The following TBC1D5 variants were observed in gnomAD, a reference collection of about 807,000 sequenced individuals.
The protein encoded by TBC1D5 is TBC1 domain family member 5, also known as TBC1 domain family, member 5.
TBC1D5 carries 75 observed loss-of-function variants against 100.3 expected under a neutral mutation model. The ratio of observed to expected loss-of-function variants is 0.75; its 90% CI spans 0.62 to 0.91. The LOEUF (loss-of-function observed/expected upper bound fraction) is 0.91. Ranked by LOEUF, TBC1D5 falls within the 40% of genes least tolerant of loss-of-function variation. The pLI, the probability that TBC1D5 is intolerant of heterozygous loss-of-function variation, is 0.00. For synonymous variants in TBC1D5, 323 were observed against 325.6 expected (o/e 0.99, Z 0.09); for missense variants, 910 against 942.4 (o/e 0.97, Z 0.45).
intron 18 of TBC1D5, among the ~76,000 whole-genome samples, chr3:17,195,315 T>G (rs2125698622): frequency 6.6e-6 from 1 of 152,216 alleles, no homozygotes; most frequent in East Asian, 1.9e-4. Context: ...TAAACACAGA[T>G]GTTACTCTAC....
At chr3:17,693,090 T>A (rs1446224491) in intron 1 of TBC1D5, among the ~76,000 whole-genome samples, 1 of 152,196 alleles carries the variant, frequency 6.6e-6, no homozygotes, top group African/African-American at 2.4e-5. Context: ...ACCTTGGACT[T>A]CTCAGCCTTA....
At chr3:17,230,087 C>T (rs546679277) in intron 17 of TBC1D5, among the ~76,000 whole-genome samples, 2 of 152,142 alleles carry the variant, frequency 1.3e-5, no homozygotes, top group Admixed American at 6.5e-5. Context: ...CACATCTCAA[C>T]AATAACCAGA....
At chr3:17,188,701 C>T (rs1265186856) in intron 18 of TBC1D5, among the ~76,000 whole-genome samples, 1 of 152,164 alleles carries the variant, frequency 6.6e-6, no homozygotes, top group Non-Finnish European at 1.5e-5. Flanking sequence ...AAGAAAGAGC[C>T]AAGAATCAAG....
In TBC1D5 at chr3:17,160,724, C is replaced by T. The variant is rs550329990; in HGVS notation, c.*239G>A. 2.6e-3 allele frequency: 1,344 copies of T among 512,054 alleles called. 5 individuals are homozygous for T. The highest frequency in any genetic ancestry group is 3.9e-3 in the Non-Finnish European group (1,128 of 289,288). The allele number at this position is 512,054 out of a possible 1,614,324, so 31.7% of individuals were successfully genotyped here. ...CTCAGCTCTAACTCAGAGCAAGAGTCGGGTGGGGATTAGGTAAGGGCCCAG... is the reference window on the plus strand; with the variant it reads ...CTCAGCTCTAACTCAGAGCAAGAGTTGGGTGGGGATTAGGTAAGGGCCCAG... On this transcript the variant is annotated 3_prime_UTR_variant, in exon 22 of 22. Transcript: ENST00000253692.
At chr3:17,455,224 T>A (rs1242500288) in intron 3 of TBC1D5, among the ~76,000 whole-genome samples, 1 of 133,956 alleles carries the variant, frequency 7.5e-6, no homozygotes, top group Non-Finnish European at 1.5e-5. Flanking sequence ...ACATATATAT[T>A]ATATATTGTA....
At chr3:17,482,400 G>A (rs1321023041) in intron 3 of TBC1D5, among the ~76,000 whole-genome samples, 1 of 152,172 alleles carries the variant, frequency 6.6e-6, no homozygotes, top group Non-Finnish European at 1.5e-5. Context: ...TTTTGTGTAT[G>A]CAATTTATCA....
intron 3 of TBC1D5, among the ~76,000 whole-genome samples, chr3:17,434,316 G>C (rs2094496810): frequency 6.6e-6 from 1 of 152,186 alleles, no homozygotes; most frequent in Admixed American, 6.5e-5. Context: ...TGGACATCCA[G>C]GTGTTTCCAT....
chr3:17,540,972 C>T (rs1576601165), intron 2 of TBC1D5, among the ~76,000 whole-genome samples: 1 of 137,550 alleles, frequency 7.3e-6, no homozygotes, highest in African/African-American at 2.8e-5. Context: ...TGACCATATA[C>T]ATGAGGTTTT....
intron 3 of TBC1D5, among the ~76,000 whole-genome samples, chr3:17,506,750 A>G (rs550998851): frequency 6.6e-6 from 1 of 152,296 alleles, no homozygotes; most frequent in South Asian, 2.1e-4. Flanking sequence ...ATTAATTTAA[A>G]ATGTTATTTT....
rs145522386 is a variant in TBC1D5 at position 17,492,037 on chromosome 3, T to C, written c.97+16437A>G. ...GTTCAGTCATGGGAGGGTGTATGTG[T>C]ACAGGAATTTATCCATTTCTTCTAA... On this transcript the variant is annotated intron_variant, in intron 3 of 21. Coordinates refer to ENST00000253692, the Ensembl canonical transcript of TBC1D5. Among the ~76,000 whole-genome samples, 413 of 152,318 alleles carry C rather than the reference T, an allele frequency of 2.7e-3. 5 individuals carry two copies. The highest frequency in any genetic ancestry group is 5.1e-3 in the Non-Finnish European group (347 of 68,016).
chr3:17,525,256 A>T (rs1036481597), intron 2 of TBC1D5, among the ~76,000 whole-genome samples: 3 of 152,034 alleles, frequency 2.0e-5, no homozygotes, highest in African/African-American at 7.2e-5. Context: ...CAGCCTCCCA[A>T]GTAGCTGGGA....
intron 13 of TBC1D5, among the ~76,000 whole-genome samples, chr3:17,331,932 T>G (rs577546359): frequency 2.0e-5 from 3 of 152,326 alleles, no homozygotes; most frequent in African/African-American, 4.8e-5. Flanking sequence ...CCAGGGCCCA[T>G]GTAGGGCCTT....
intron 4 of TBC1D5, among the ~76,000 whole-genome samples, chr3:17,417,585 C>G (rs1386536315): frequency 6.6e-6 from 1 of 152,156 alleles, no homozygotes; most frequent in Admixed American, 6.5e-5. Flanking sequence ...TTAATCCAGT[C>G]TATCACTGTT....
At chr3:17,253,964 CT>C (rs1559494833) in intron 16 of TBC1D5, among the ~76,000 whole-genome samples, 4 of 152,298 alleles carry the variant, frequency 2.6e-5, no homozygotes, top group Admixed American at 6.5e-5. Context: ...AGAGAGCCGA[CT>C]ATGGGACTTA....
intron 8 of TBC1D5, among the ~76,000 whole-genome samples, chr3:17,390,334 G>A (rs1340529672): frequency 6.6e-6 from 1 of 152,046 alleles, no homozygotes; most frequent in Admixed American, 6.6e-5. Context: ...GACAAATATC[G>A]GGGCTATCTG....
At chr3:17,556,319 AGTTT>A (rs1450447761) in intron 2 of TBC1D5, among the ~76,000 whole-genome samples, 1 of 152,122 alleles carries the variant, frequency 6.6e-6, no homozygotes, top group African/African-American at 2.4e-5. Context: ...TGCTTAGCCT[AGTTT>A]GTTTTTAAGC....
intron 1 of TBC1D5, among the ~76,000 whole-genome samples, chr3:17,687,983 C>T (rs1017261298): frequency 2.6e-5 from 4 of 152,012 alleles, no homozygotes; most frequent in Non-Finnish European, 5.9e-5. Context: ...GAAAGAGGTA[C>T]TGAAAGATTT....
In TBC1D5 at chr3:17,235,325, AAC is replaced by A. The variant is rs145205630; in HGVS notation, c.1588+2836_1588+2837del. On this transcript the variant is annotated intron_variant, in intron 17 of 21. Coordinates refer to ENST00000253692, the Ensembl canonical transcript of TBC1D5. Reference sequence around the variant, plus strand: ...AAGTTAACTGATTATGAAAACCATAAACAGTTTCATCTTTATAAACAACCATT... The same window carrying A: ...AAGTTAACTGATTATGAAAACCATAAAGTTTCATCTTTATAAACAACCATT... 2.6e-3 allele frequency among the ~76,000 whole-genome samples: 390 copies of A among 152,332 alleles called. 1 individual carries two copies. Among genetic ancestry groups the A allele is most frequent in the African/African-American group, 9.1e-3 (377 of 41,576 alleles).
chr3:17,581,695 T>C (rs2096698289), intron 2 of TBC1D5, among the ~76,000 whole-genome samples: 1 of 152,196 alleles, frequency 6.6e-6, no homozygotes, highest in Non-Finnish European at 1.5e-5. Context: ...GCTTCTGCCC[T>C]CGCTCCCTTA....
Sources: gnomAD v4.1 joint callset for allele counts (sites outside exome capture counted in the v4.1 genomes callset) on GRCh38, gnomAD v4.1.1 for gene constraint, MANE v1.5 for transcripts, NCBI Gene and HGNC (gene_info 2026-07-23, HGNC 2026-07-21) for gene names.